Variants in PBX3 observed in about 807,000 individuals in gnomAD.
PBX3 encodes the protein pre-B-cell leukemia transcription factor 3.
A neutral mutation model predicts 48.5 loss-of-function variants in PBX3; 14 were observed. That is an observed-to-expected ratio of 0.29 (90% CI 0.19 to 0.45). The LOEUF (loss-of-function observed/expected upper bound fraction) is 0.45, where lower values mean the gene tolerates loss of function less well. Among genes scored for constraint, PBX3 ranks in the 20% least tolerant of loss-of-function variants. The pLI is 1.00. For missense variants in PBX3, 386 were observed against 546.7 expected, an observed-to-expected ratio of 0.71 and a Z score of 2.93; for synonymous variants, 210 against 200.3, an observed-to-expected ratio of 1.05 and a Z score of -0.41.
intron 2 of PBX3, among the ~76,000 whole-genome samples, chr9:125,840,910 T>G (rs369992736): frequency 3.3e-5 from 5 of 152,154 alleles, no homozygotes; most frequent in African/African-American, 9.7e-5. Context: ...TGTTTGATTT[T>G]AAGTCGTTCA....
chr9:125,772,962 A>T (rs1182198154), intron 2 of PBX3, among the ~76,000 whole-genome samples: 1 of 152,200 alleles, frequency 6.6e-6, no homozygotes, highest in Non-Finnish European at 1.5e-5. Context: ...GTCATTTATA[A>T]ATACAAGCTG....
At chr9:125,777,383 T>A (rs1475920304) in intron 2 of PBX3, among the ~76,000 whole-genome samples, 1 of 147,816 alleles carries the variant, frequency 6.8e-6, no homozygotes, top group Non-Finnish European at 1.5e-5. Context: ...TGAAATGGAG[T>A]CTCACCCTGT....
At chr9:125,781,347 G>A (rs2132035831) in intron 2 of PBX3, among the ~76,000 whole-genome samples, 1 of 151,822 alleles carries the variant, frequency 6.6e-6, no homozygotes, top group East Asian at 2.0e-4. Context: ...GCGAAACCCC[G>A]TCTCCACCAA....
At chr9:125,802,714 C>T (rs528580752) in intron 2 of PBX3, among the ~76,000 whole-genome samples, 8 of 151,166 alleles carry the variant, frequency 5.3e-5, no homozygotes, top group East Asian at 2.0e-4. Flanking sequence ...AGTCTCTCTC[C>T]GTTGCCCAGG....
chr9:125,761,889 A>T (rs1008119133), intron 2 of PBX3, among the ~76,000 whole-genome samples: 3 of 152,176 alleles, frequency 2.0e-5, no homozygotes, highest in Non-Finnish European at 4.4e-5. Flanking sequence ...TGATGCTGCT[A>T]TTTATAGATC....
intron 2 of PBX3, among the ~76,000 whole-genome samples, chr9:125,897,486 A>G (rs1171719052): frequency 2.0e-5 from 3 of 151,740 alleles, no homozygotes; most frequent in Non-Finnish European, 2.9e-5. Context: ...CAAAATTATC[A>G]CTATTATCTC....
At chr9:125,935,748 T>A in intron 5 of PBX3, 141 bp downstream of exon 5, 1 of 907,510 alleles carries the variant, frequency 1.1e-6, no homozygotes, top group Non-Finnish European at 1.6e-6. Context: ...ATTTCCACAG[T>A]TTTAGGCAAG....
intron 2 of PBX3, among the ~76,000 whole-genome samples, chr9:125,819,673 G>C (rs1838590123): frequency 6.6e-6 from 1 of 152,026 alleles, no homozygotes; most frequent in Non-Finnish European, 1.5e-5. Flanking sequence ...TTTATGAATA[G>C]ATTTATATAT....
intron 2 of PBX3, among the ~76,000 whole-genome samples, chr9:125,841,679 A>G (rs1304281941): frequency 1.3e-5 from 2 of 152,170 alleles, no homozygotes; most frequent in Non-Finnish European, 2.9e-5. Context: ...CAATGCCTCT[A>G]GTACATAGAC....
At chr9:125,767,201 A>G (rs1468263499) in intron 2 of PBX3, among the ~76,000 whole-genome samples, 1 of 152,218 alleles carries the variant, frequency 6.6e-6, no homozygotes, top group Non-Finnish European at 1.5e-5. Flanking sequence ...TAATTTTGTC[A>G]TGGATTCTCT....
chr9:125,899,214 C>T (rs559871852), intron 2 of PBX3, among the ~76,000 whole-genome samples: 2 of 116,028 alleles, frequency 1.7e-5, no homozygotes, highest in Non-Finnish European at 3.8e-5. Context: ...TATAAATATA[C>T]ATATGTATAT....
intron 2 of PBX3, among the ~76,000 whole-genome samples, chr9:125,751,129 A>G (rs1307731797): frequency 6.6e-6 from 1 of 152,204 alleles, no homozygotes; most frequent in African/African-American, 2.4e-5. Flanking sequence ...TATTTAATCT[A>G]ATAATACCTA....
chr9:125,853,340 A>G (rs1002548516), intron 2 of PBX3, among the ~76,000 whole-genome samples: 2 of 152,202 alleles, frequency 1.3e-5, no homozygotes, highest in Non-Finnish European at 2.9e-5. Flanking sequence ...TGCCAAGAGG[A>G]CAGAGTCCAA....
At chr9:125,823,882 C>T (rs543594130) in intron 2 of PBX3, among the ~76,000 whole-genome samples, 2 of 152,150 alleles carry the variant, frequency 1.3e-5, no homozygotes, top group South Asian at 4.2e-4. Flanking sequence ...TCGAGACCAG[C>T]TTGGCCAACA....
chr9:125,803,472 A>G (rs1467484518), intron 2 of PBX3, among the ~76,000 whole-genome samples: 1 of 152,212 alleles, frequency 6.6e-6, no homozygotes, highest in Non-Finnish European at 1.5e-5. Flanking sequence ...AACTACATTT[A>G]GTTTTTATGC....
Position 125,822,469 on chromosome 9 carries a change from C to G in PBX3, c.274+73846C>G, listed in dbSNP as rs77305001. Among the ~76,000 whole-genome samples the G allele has an allele frequency of 3.3e-5, 5 of 152,054 alleles. No homozygotes were observed. In the East Asian group the frequency reaches 9.7e-4, roughly 29 times the overall value. On this transcript the variant is annotated intron_variant, in intron 2 of 8. Transcript: ENST00000373489. ...AGGTACTCTTCTTTTTTTCCCTGTT[C>G]TCCAGAGTTTAAAAACGTTTCTTCC...
intron 2 of PBX3, among the ~76,000 whole-genome samples, chr9:125,884,208 A>G (rs775235938): frequency 2.8e-4 from 43 of 152,306 alleles, no homozygotes; most frequent in Non-Finnish European, 5.4e-4. Flanking sequence ...TGGCATTTCT[A>G]TTGGCAGCCT....
intron 2 of PBX3, among the ~76,000 whole-genome samples, chr9:125,909,454 C>T (rs1841152241): frequency 6.6e-6 from 1 of 152,088 alleles, no homozygotes; most frequent in Non-Finnish European, 1.5e-5. Context: ...TAAGTATAAT[C>T]AATACTTTTT....
chr9:125,900,159 A>T (rs938254627), intron 2 of PBX3, among the ~76,000 whole-genome samples: 3 of 151,062 alleles, frequency 2.0e-5, no homozygotes, highest in African/African-American at 7.3e-5. Context: ...ATTGTAGATA[A>T]TTTTTTAATA....
Sources: allele counts gnomAD v4.1 joint callset (sites outside exome capture counted in the v4.1 genomes callset), GRCh38; gene constraint gnomAD v4.1.1; transcripts MANE v1.5; gene names NCBI Gene and HGNC (gene_info 2026-07-23, HGNC 2026-07-21).